The following HMGA2 variants were observed in gnomAD, a reference collection of about 807,000 sequenced individuals.
The protein encoded by HMGA2 is high mobility group AT-hook 2, also known as high mobility group protein HMGI-C.
HMGA2 carries 8 observed loss-of-function variants against 19.1 expected under a neutral mutation model. The observed-to-expected ratio is 0.42, with a 90% confidence interval of 0.25 to 0.76. The LOEUF (loss-of-function observed/expected upper bound fraction) is 0.76. Ranked by LOEUF, HMGA2 falls within the 30% of genes least tolerant of loss-of-function variation. The probability of loss-of-function intolerance (pLI) is 0.28; values close to 1 mark genes in which losing one functional copy is unlikely to be tolerated. For missense variants in HMGA2, 109 were observed against 136.3 expected, an observed-to-expected ratio of 0.80 and a Z score of 1.00; for synonymous variants, 60 against 48.8, an observed-to-expected ratio of 1.23 and a Z score of -0.96.
At chr12:65,858,699 T>C (rs1009850688) in intron 3 of HMGA2, 4 of 152,182 alleles carry the variant, frequency 2.6e-5, no homozygotes, top group Non-Finnish European at 5.9e-5. Context: ...GTATATTAAA[T>C]ATTGCAGTAA....
chr12:65,877,397 C>T (rs188189884), intron 3 of HMGA2, among the ~76,000 whole-genome samples: 18 of 152,138 alleles, frequency 1.2e-4, no homozygotes, highest in Non-Finnish European at 2.2e-4. Context: ...GCAGAGAGGC[C>T]TTAGGAGGGG....
intron 3 of HMGA2, among the ~76,000 whole-genome samples, chr12:65,951,065 A>T (rs1376116456): frequency 2.0e-5 from 3 of 151,976 alleles, no homozygotes; most frequent in Non-Finnish European, 4.4e-5. Context: ...AGTAGCTGGG[A>T]CTACAGTTGC....
At chr12:65,904,550 A>G (rs1874505985) in intron 3 of HMGA2, among the ~76,000 whole-genome samples, 1 of 152,348 alleles carries the variant, frequency 6.6e-6, no homozygotes, top group South Asian at 2.1e-4. Flanking sequence ...TGAATAAAAC[A>G]AGGTGCAAGA....
At chr12:65,831,687 C>T (rs1196239180) in intron 2 of HMGA2, among the ~76,000 whole-genome samples, 4 of 151,856 alleles carry the variant, frequency 2.6e-5, no homozygotes, top group Non-Finnish European at 5.9e-5. Flanking sequence ...GTAAAGACTA[C>T]TTCATGCTCC....
At chr12:65,885,500 G>A (rs1873617916) in intron 3 of HMGA2, among the ~76,000 whole-genome samples, 1 of 151,960 alleles carries the variant, frequency 6.6e-6, no homozygotes, top group African/African-American at 2.4e-5. Context: ...TTTTCCATTT[G>A]GCAAACCCGG....
At chr12:65,889,475 C>T (rs1873813233) in intron 3 of HMGA2, among the ~76,000 whole-genome samples, 1 of 151,958 alleles carries the variant, frequency 6.6e-6, no homozygotes, top group Admixed American at 6.6e-5. Context: ...TATATATACC[C>T]ACAGATTTTT....
chr12:65,842,125 T>C (rs199644702), intron 3 of HMGA2: 37 of 1,289,056 alleles, frequency 2.9e-5, no homozygotes, highest in Non-Finnish European at 3.5e-5. Context: ...TTTTCCTGGC[T>C]TTTTATAGTT....
chr12:65,959,705 A>G (rs1264538234), intron 4 of HMGA2, among the ~76,000 whole-genome samples: 1 of 152,094 alleles, frequency 6.6e-6, no homozygotes, highest in Non-Finnish European at 1.5e-5. Context: ...CTGCCACTAG[A>G]CCCTAATGAG....
chr12:65,884,285 C>T (rs2121110736), intron 3 of HMGA2, among the ~76,000 whole-genome samples: 1 of 152,280 alleles, frequency 6.6e-6, no homozygotes, highest in African/African-American at 2.4e-5. Flanking sequence ...CTCATAAGAA[C>T]ATTTTGGATT....
chr12:65,886,141 T>C (rs749853839), intron 3 of HMGA2, among the ~76,000 whole-genome samples: 8 of 152,114 alleles, frequency 5.3e-5, no homozygotes, highest in Non-Finnish European at 8.8e-5. Flanking sequence ...CTTTGAAAAC[T>C]TGGTTTACAT....
chr12:65,849,129 C>T (rs1040876444), intron 3 of HMGA2, among the ~76,000 whole-genome samples: 2 of 152,178 alleles, frequency 1.3e-5, no homozygotes, highest in Admixed American at 1.3e-4. Flanking sequence ...ATACATCCTA[C>T]GCAGTTTGTG....
intron 3 of HMGA2, among the ~76,000 whole-genome samples, chr12:65,865,113 C>G (rs1201426257): frequency 6.6e-6 from 1 of 152,116 alleles, no homozygotes; most frequent in Admixed American, 6.5e-5. Context: ...CAAATTTTCT[C>G]TCTTGCTTGT....
chr12:65,885,601 C>T (rs1259898881), intron 3 of HMGA2, among the ~76,000 whole-genome samples: 1 of 152,012 alleles, frequency 6.6e-6, no homozygotes, highest in Non-Finnish European at 1.5e-5. Flanking sequence ...GTGTGCAGTC[C>T]CTGGGAACAA....
intron 3 of HMGA2, among the ~76,000 whole-genome samples, chr12:65,844,031 A>G (rs941419796): frequency 6.7e-6 from 1 of 149,372 alleles, no homozygotes; most frequent in Admixed American, 6.6e-5. Context: ...AGCCTGGGCA[A>G]CAGAGCAAGA....
chr12:65,829,386 T>C (rs1870375612), intron 2 of HMGA2, among the ~76,000 whole-genome samples: 1 of 152,134 alleles, frequency 6.6e-6, no homozygotes, highest in African/African-American at 2.4e-5. Context: ...AAAATGGCAA[T>C]ATATAATCTG....
intron 3 of HMGA2, chr12:65,842,852 T>A: frequency 7.6e-7 from 1 of 1,320,686 alleles, no homozygotes; most frequent in Non-Finnish European, 9.7e-7. Context: ...GGAAAGTATT[T>A]GGAGAAAGTT....
At chr12:65,935,515 T>C (rs948266077) in intron 3 of HMGA2, among the ~76,000 whole-genome samples, 1 of 152,128 alleles carries the variant, frequency 6.6e-6, no homozygotes, top group African/African-American at 2.4e-5. Flanking sequence ...TTTTTTTTTT[T>C]CTGTCTGCAT....
chr12:65,839,280 T>A (rs1040835593), intron 3 of HMGA2, among the ~76,000 whole-genome samples: 3 of 152,070 alleles, frequency 2.0e-5, no homozygotes, highest in African/African-American at 7.2e-5. Flanking sequence ...CTTTGTTCCC[T>A]TGTTTGCTGT....
intron 3 of HMGA2, chr12:65,860,070 C>A: frequency 2.2e-6 from 1 of 450,582 alleles, no homozygotes. Flanking sequence ...CCAGCCTGGG[C>A]AACAGAGCAA....
Sources: allele counts gnomAD v4.1 joint callset (sites outside exome capture counted in the v4.1 genomes callset), GRCh38; gene constraint gnomAD v4.1.1; transcripts MANE v1.5; gene names NCBI Gene and HGNC (gene_info 2026-07-23, HGNC 2026-07-21).